Variants in ZBBX observed in about 807,000 individuals in gnomAD.
ZBBX encodes the protein zinc finger B-box domain-containing protein 1.
ZBBX carries 101 observed loss-of-function variants against 108.5 expected under a neutral mutation model. That is an observed-to-expected ratio of 0.93 (90% CI 0.79 to 1.10). The LOEUF is 1.10. ZBBX is among the 50% of genes least tolerant of loss of function. ZBBX has a pLI of 0.00. For missense variants in ZBBX, 1,009 were observed against 941.4 expected, an observed-to-expected ratio of 1.07 and a Z score of -0.94; for synonymous variants, 356 against 323.4, an observed-to-expected ratio of 1.10 and a Z score of -1.08.
At chr3:167,303,573 G>A (rs762586102) in intron 17 of ZBBX, among the ~76,000 whole-genome samples, 21 of 152,016 alleles carry the variant, frequency 1.4e-4, no homozygotes, top group Non-Finnish European at 2.6e-4. Context: ...TTCAAGAGGC[G>A]AAATAACTAA....
intron 10 of ZBBX, 111 bp from the exon 11 acceptor site, chr3:167,328,227 A>G: frequency 9.5e-7 from 1 of 1,048,138 alleles, no homozygotes; most frequent in Non-Finnish European, 1.4e-6. Flanking sequence ...ACTAATTATT[A>G]GTCATCACAA....
intron 20 of ZBBX, among the ~76,000 whole-genome samples, chr3:167,263,883 T>C (rs547873258): frequency 6.6e-6 from 1 of 152,364 alleles, no homozygotes; most frequent in South Asian, 2.1e-4. Flanking sequence ...ATTTGCGTTA[T>C]ATATCTGGGT....
intron 11 of ZBBX, 83 bp from the exon 12 acceptor site, chr3:167,322,320 C>T: frequency 8.4e-7 from 1 of 1,193,970 alleles, no homozygotes; most frequent in Non-Finnish European, 1.1e-6. Flanking sequence ...TAGAACTCAT[C>T]ATTTTTGGGG....
At chr3:167,334,610 G>A (rs886692157) in intron 9 of ZBBX, among the ~76,000 whole-genome samples, 3 of 151,900 alleles carry the variant, frequency 2.0e-5, no homozygotes, top group African/African-American at 4.8e-5. Flanking sequence ...ACTAAAGCTC[G>A]GAGAGTTTAA....
At chr3:167,358,933 C>T (rs1393617858) in intron 8 of ZBBX, among the ~76,000 whole-genome samples, 22 of 57,948 alleles carry the variant, frequency 3.8e-4, no homozygotes, top group African/African-American at 1.7e-3. Flanking sequence ...AAGACTCCAT[C>T]TCAAAAAAAA....
chr3:167,314,185 T>C, intron 15 of ZBBX, 69 bp from the exon 16 acceptor site: 3 of 1,359,032 alleles, frequency 2.2e-6, no homozygotes, highest in Non-Finnish European at 3.0e-6. Flanking sequence ...ATTTTAAAAG[T>C]CCCAAGTCAT....
At chr3:167,320,488 A>C (rs576122486) in intron 12 of ZBBX, among the ~76,000 whole-genome samples, 9 of 152,196 alleles carry the variant, frequency 5.9e-5, no homozygotes, top group African/African-American at 1.7e-4. Context: ...AACAAAGGAA[A>C]TAGAATATCT....
chr3:167,231,473 G>A, the ZBBX span, among the ~76,000 whole-genome samples: 1 of 151,570 alleles, frequency 6.6e-6, no homozygotes, highest in Non-Finnish European at 1.5e-5. Flanking sequence ...AAATATGAAG[G>A]TAATTGTTGA....
the ZBBX span, among the ~76,000 whole-genome samples, chr3:167,192,137 G>T: frequency 6.6e-6 from 1 of 151,692 alleles, no homozygotes; most frequent in Non-Finnish European, 1.5e-5. Context: ...GTTATGAGTG[G>T]ATTGCACATA....
chr3:167,224,893 C>A, the ZBBX span, among the ~76,000 whole-genome samples: 1 of 151,838 alleles, frequency 6.6e-6, no homozygotes, highest in Non-Finnish European at 1.5e-5. Context: ...ATATCCCCTT[C>A]TTTTTACCAC....
the ZBBX span, among the ~76,000 whole-genome samples, chr3:167,206,447 AAATGAACAGATATCTCTAC>A: frequency 6.6e-6 from 1 of 152,226 alleles, no homozygotes; most frequent in Admixed American, 6.5e-5. Flanking sequence ...CAATGAACAT[AAATGAACAGATATCTCTAC>A]AAAATGCTGA....
intron 20 of ZBBX, among the ~76,000 whole-genome samples, chr3:167,247,694 G>A (rs554774688): frequency 2.6e-5 from 4 of 152,104 alleles, no homozygotes; most frequent in African/African-American, 4.8e-5. Context: ...TCCCCGAGAG[G>A]TTAGAGCAGT....
At chr3:167,242,248 T>G (rs1257214633) in intron 21 of ZBBX, among the ~76,000 whole-genome samples, 2 of 152,184 alleles carry the variant, frequency 1.3e-5, no homozygotes, top group African/African-American at 4.8e-5. Flanking sequence ...GATTATTATA[T>G]TCCAAATATC....
At chr3:167,359,840 A>G (rs371078040) in intron 8 of ZBBX, 30 bp downstream of exon 8, 4 of 1,119,372 alleles carry the variant, frequency 3.6e-6, no homozygotes, top group African/African-American at 1.6e-5. Context: ...ACTATACAGT[A>G]TATGTATATA....
At chr3:167,322,017 G>A in intron 12 of ZBBX, 100 bp downstream of exon 12, 1 of 677,054 alleles carries the variant, frequency 1.5e-6, no homozygotes, top group Non-Finnish European at 2.2e-6. Context: ...ATGCAAATAT[G>A]AAATATACAT....
At chr3:167,198,869 T>C in the ZBBX span, among the ~76,000 whole-genome samples, 1 of 152,212 alleles carries the variant, frequency 6.6e-6, no homozygotes, top group Non-Finnish European at 1.5e-5. Flanking sequence ...TAATTCAGTT[T>C]AAAAATGAAA....
intron 2 of ZBBX, among the ~76,000 whole-genome samples, chr3:167,374,491 T>C (rs1016852991): frequency 3.9e-5 from 6 of 152,140 alleles, no homozygotes; most frequent in Admixed American, 6.5e-5. Flanking sequence ...TAAAGAAATA[T>C]GAGTCAATAT....
intron 6 of ZBBX, among the ~76,000 whole-genome samples, chr3:167,361,068 C>CT (rs1744429220): frequency 6.6e-6 from 1 of 152,006 alleles, no homozygotes; most frequent in African/African-American, 2.4e-5. Flanking sequence ...TATTTCTGCT[C>CT]TTTCTGAGAC....
chr3:167,298,655 C>G (rs1322488878), intron 17 of ZBBX, among the ~76,000 whole-genome samples, 197 bp from the exon 18 acceptor site: 3 of 151,996 alleles, frequency 2.0e-5, no homozygotes, highest in Non-Finnish European at 4.4e-5. Context: ...TACAGTAATT[C>G]TCTGAAAGTT....
Sources: gnomAD v4.1 joint callset for allele counts (sites outside exome capture counted in the v4.1 genomes callset) on GRCh38, gnomAD v4.1.1 for gene constraint, MANE v1.5 for transcripts, NCBI Gene and HGNC (gene_info 2026-07-23, HGNC 2026-07-21) for gene names.